Variants in RFT1 observed in about 807,000 individuals in gnomAD.
RFT1 encodes man(5)GlcNAc(2)-PP-dolichol translocation protein RFT1.
A neutral mutation model predicts 62.2 loss-of-function variants in RFT1; 43 were observed. That is an observed-to-expected ratio of 0.69 (90% CI 0.54 to 0.89). RFT1 has a LOEUF of 0.89. Ranked by LOEUF, RFT1 falls within the 40% of genes least tolerant of loss-of-function variation. The pLI, the probability that RFT1 is intolerant of heterozygous loss-of-function variation, is 0.00. For synonymous variants in RFT1, 262 were observed against 264.6 expected, an observed-to-expected ratio of 0.99 and a Z score of 0.10; for missense variants, 605 against 649.9, an observed-to-expected ratio of 0.93 and a Z score of 0.75.
intron 6 of RFT1, 79 bp from the exon 7 acceptor site, chr3:53,111,987 T>A: frequency 9.0e-7 from 1 of 1,108,814 alleles, no homozygotes; most frequent in South Asian, 1.2e-5. Context: ...GAGAGGCAAA[T>A]GCAATCTGGT....
intron 6 of RFT1, among the ~76,000 whole-genome samples, chr3:53,117,291 A>C (rs1701836443): frequency 6.6e-6 from 1 of 152,228 alleles, no homozygotes; most frequent in Non-Finnish European, 1.5e-5. Context: ...AAATACTTTC[A>C]TGGAACTCCT....
chr3:53,103,861 T>A, intron 10 of RFT1, 92 bp downstream of exon 10: 1 of 1,505,008 alleles, frequency 6.6e-7, no homozygotes, highest in Non-Finnish European at 9.2e-7. Flanking sequence ...CTGACACAGA[T>A]AACAACTGTG....
rs1700982020 is a variant in RFT1 at position 53,091,353 on chromosome 3, ACT to A, written c.*548_*549del. 1 of 162,300 alleles carries A rather than the reference ACT, an allele frequency of 6.2e-6. No individual in the cohort carries two copies. The highest frequency in any genetic ancestry group is 1.4e-5 in the Non-Finnish European group (1 of 73,506). 10.1% of individuals were successfully genotyped at this position (162,300 alleles called of 1,614,324 possible). A position where few individuals can be genotyped will look rare whatever the true frequency, so the allele number is the denominator to read the frequency against. On this transcript the variant is annotated 3_prime_UTR_variant, in exon 13 of 13. Transcript: ENST00000296292. ...CCTGGTTTCATTTCTTGGATTTCTC[ACT>A]GAGTAGCATTTTTCCTTCTCTAAAA... is the stretch of plus-strand genomic sequence containing the variant.
the RFT1 span, among the ~76,000 whole-genome samples, chr3:53,073,731 G>C: frequency 6.6e-6 from 1 of 152,174 alleles, no homozygotes; most frequent in Admixed American, 6.5e-5. Flanking sequence ...AGAGGTGGCC[G>C]GTGAGAGCCT....
chr3:53,074,195 C>G, the RFT1 span, among the ~76,000 whole-genome samples: 2 of 152,114 alleles, frequency 1.3e-5, no homozygotes, highest in African/African-American at 4.8e-5. Flanking sequence ...TGTGGGGGAG[C>G]CTGACAAACA....
intron 6 of RFT1, among the ~76,000 whole-genome samples, chr3:53,117,562 T>C (rs1023481747): frequency 7.9e-5 from 12 of 152,340 alleles, no homozygotes; most frequent in African/African-American, 2.9e-4. Flanking sequence ...AGCCTTCTCA[T>C]GATCAGGGCT....
At chr3:53,083,200 C>CAAAAAAAA in the RFT1 span, among the ~76,000 whole-genome samples, 22 of 39,354 alleles carry the variant, frequency 5.6e-4, no homozygotes, top group East Asian at 8.5e-4. Flanking sequence ...GATTCCATCT[C>CAAAAAAAA]AAAAAAAAAA....
In RFT1 at chr3:53,130,379, C is replaced by A. The variant is rs993455093; in HGVS notation, c.22G>T (p.Gly8Cys). 8 of 1,560,604 alleles carry A rather than the reference C, an allele frequency of 5.1e-6. No individual in the cohort carries two copies. The African/African-American group carries it at 8.2e-5, about 16-fold the overall frequency. Reference sequence around the variant, plus strand: ...GAGGAGGCCAGCCGGGCCGCGTGGCCCAGCACCTCCTGGCTGCCCATAGCC... The same window carrying A: ...GAGGAGGCCAGCCGGGCCGCGTGGCACAGCACCTCCTGGCTGCCCATAGCC... MGSQEVLGHAARLASSGL... is the reference protein window; with the variant it reads MGSQEVLCHAARLASSGL... The change falls in exon 1 of 13, where the codon GGC becomes TGC. Residue 8 changes from glycine (G) to cysteine (C), a missense_variant. Gly to Cys is a radical substitution (Grantham distance 159, BLOSUM62 -3). Coordinates refer to ENST00000296292, the MANE Select transcript of RFT1 (RefSeq NM_052859.4).
At position 53,121,732 on chromosome 3, in the gene RFT1, AG is replaced by A; in HGVS notation, c.524del (p.Pro175LeufsTer47). On this transcript the variant is annotated frameshift_variant, in exon 5 of 13. Coordinates refer to ENST00000296292, the MANE Select transcript of RFT1 (RefSeq NM_052859.4). LOFTEE classifies it high-confidence loss of function. Reference sequence around the variant, plus strand: ...AAGAGAAAATGTACAATCCCCAGTGAGGCAACCACAGCACGAGAAAAGCTGT... The same window carrying A: ...AAGAGAAAATGTACAATCCCCAGTGAGCAACCACAGCACGAGAAAAGCTGT... ...VLTAFLVLWL[P>X]HWGLYIFSLA... 3 of 1,614,078 alleles carry A rather than the reference AG, an allele frequency of 1.9e-6. No homozygotes were observed. The highest frequency in any genetic ancestry group is 2.5e-6 in the Non-Finnish European group (3 of 1,179,952).
chr3:53,099,565 G>A, intron 10 of RFT1, 79 bp from the exon 11 acceptor site: 1 of 1,110,530 alleles, frequency 9.0e-7, no homozygotes, highest in Non-Finnish European at 1.4e-6. Context: ...TGAGTACCCA[G>A]AGAACCAGAA....
intron 10 of RFT1, among the ~76,000 whole-genome samples, chr3:53,101,991 C>A (rs1404133752): frequency 6.7e-6 from 1 of 148,600 alleles, no homozygotes; most frequent in African/African-American, 2.5e-5. Context: ...GAGCCGAGAT[C>A]ACACCACTGT....
the RFT1 span, among the ~76,000 whole-genome samples, chr3:53,070,419 T>TTTTTTTG: frequency 2.7e-5 from 4 of 146,816 alleles, no homozygotes; most frequent in Non-Finnish European, 4.5e-5. Context: ...TTTTTTTTTT[T>TTTTTTTG]GAGACGGAGT....
the RFT1 span, among the ~76,000 whole-genome samples, chr3:53,069,573 C>T: frequency 6.6e-6 from 1 of 152,102 alleles, no homozygotes; most frequent in Non-Finnish European, 1.5e-5. Context: ...AAAATGATCA[C>T]TCAGTAAGAA....
chr3:53,068,009 C>T, the RFT1 span, among the ~76,000 whole-genome samples: 1 of 152,222 alleles, frequency 6.6e-6, no homozygotes, highest in Non-Finnish European at 1.5e-5. Flanking sequence ...GTGGGCTGGA[C>T]CACATGTCAC....
rs187268610 is a variant in RFT1, at chr3:53,101,623, C to T, written c.1103-2137G>A. Among the ~76,000 whole-genome samples the T allele has an allele frequency of 5.2e-4, 79 of 152,294 alleles. 1 individual carries two copies. The highest frequency in any genetic ancestry group is 5.2e-3 in the Admixed American group (79 of 15,300). On this transcript the variant is annotated intron_variant, in intron 10 of 12. Transcript: ENST00000296292. ...CCCCCAAAATAGATATGTTAATGTC[C>T]TGACCAGTGGTACCTGAGAATCTGT... is the stretch of plus-strand genomic sequence containing the variant.
the RFT1 span, among the ~76,000 whole-genome samples, chr3:53,072,940 A>T: frequency 1.3e-5 from 2 of 152,224 alleles, no homozygotes; most frequent in Non-Finnish European, 2.9e-5. Flanking sequence ...CCTGCCGCAC[A>T]GCAACAAGCA....
At chr3:53,099,584 T>C (rs1701253443) in intron 10 of RFT1, 98 bp from the exon 11 acceptor site, 1 of 875,496 alleles carries the variant, frequency 1.1e-6, no homozygotes, top group Non-Finnish European at 1.9e-6. Flanking sequence ...AACCAGACTA[T>C]GAGGTCTGCT....
At chr3:53,076,272 C>T in the RFT1 span, among the ~76,000 whole-genome samples, 1 of 152,188 alleles carries the variant, frequency 6.6e-6, no homozygotes, top group Admixed American at 6.5e-5. Flanking sequence ...CAATGTCTTC[C>T]CTCTGGGGAA....
chr3:53,120,560 T>G (rs1273498130), intron 5 of RFT1, among the ~76,000 whole-genome samples: 1 of 152,158 alleles, frequency 6.6e-6, no homozygotes, highest in East Asian at 1.9e-4. Flanking sequence ...GGTAGGGTGA[T>G]AAGAGGGCCC....
Sources: allele counts gnomAD v4.1 joint callset (sites outside exome capture counted in the v4.1 genomes callset), GRCh38; gene constraint gnomAD v4.1.1; transcripts MANE v1.5; gene names NCBI Gene and HGNC (gene_info 2026-07-23, HGNC 2026-07-21).